The following STT3A variants were observed in gnomAD, a reference collection of about 807,000 sequenced individuals.
The protein encoded by STT3A is dolichyl-diphosphooligosaccharide--protein glycosyltransferase subunit STT3A.
A neutral mutation model predicts 89.2 loss-of-function variants in STT3A; 34 were observed. That is an observed-to-expected ratio of 0.38 (90% CI 0.29 to 0.51). The LOEUF is 0.51. Among genes scored for constraint, STT3A ranks in the 20% least tolerant of loss-of-function variants. The probability of loss-of-function intolerance (pLI) is 0.89; values close to 1 mark genes in which losing one functional copy is unlikely to be tolerated. For missense variants in STT3A, 555 were observed against 889.5 expected (o/e 0.62, Z 4.78); for synonymous variants, 282 against 310.3 (o/e 0.91, Z 0.96).
At position 125,606,387 on chromosome 11, in the gene STT3A, C is replaced by T; in HGVS notation, c.702C>T (p.His234=). The T allele has an allele frequency of 6.2e-7, 1 of 1,614,200 alleles. No individual in the cohort carries two copies. The highest frequency in any genetic ancestry group is 8.5e-7 in the Non-Finnish European group (1 of 1,180,040). ...TGATGCTCACAGGCCGTTTCTCTCA[C>T]CGGATCTATGTGGCCTACTGTACTG... ...LVLMLTGRFS[H]RIYVAYCTVY... Residue 234 remains histidine, a synonymous_variant, in exon 8 of 18, where the codon CAC becomes CAT. Transcript: ENST00000392708.
At position 125,613,476 on chromosome 11, in the gene STT3A, T is replaced by C. The variant is rs990792827; in HGVS notation, c.1554+299T>C. Among the ~76,000 whole-genome samples the C allele has an allele frequency of 1.3e-5, 2 of 152,198 alleles. No individual in the cohort carries two copies. The highest frequency in any genetic ancestry group is 2.9e-5 in the Non-Finnish European group (2 of 68,018). On this transcript the variant is annotated intron_variant, in intron 13 of 17. Coordinates refer to ENST00000392708, the MANE Select transcript of STT3A (RefSeq NM_152713.5). The surrounding 1 kb of genome is among the most constrained non-coding windows in gnomAD (Gnocchi z 4.2). Reference sequence around the variant, plus strand: ...AAAAAAGTTATAGATAAATAATACATGTTCACTTTAGAAAAATCAGAAAAT... The same window carrying C: ...AAAAAAGTTATAGATAAATAATACACGTTCACTTTAGAAAAATCAGAAAAT...
At chr11:125,600,474 A>G (rs1939639665) in intron 3 of STT3A, among the ~76,000 whole-genome samples, 2 of 151,752 alleles carry the variant, frequency 1.3e-5, no homozygotes, top group South Asian at 4.2e-4. Context: ...TGATCCTCTT[A>G]TTTCAGCCTC....
At chr11:125,620,443 T>C (rs1940315698) in intron 17 of STT3A, among the ~76,000 whole-genome samples, 1 of 152,202 alleles carries the variant, frequency 6.6e-6, no homozygotes, top group South Asian at 2.1e-4. Flanking sequence ...CACATGTTTA[T>C]ATTTAGCTAC....
chr11:125,609,535 A>G lies in STT3A; in HGVS notation c.1063A>G (p.Thr355Ala). 1 of 1,614,202 alleles carries G rather than the reference A, an allele frequency of 6.2e-7. No individual in the cohort carries two copies. The highest frequency in any genetic ancestry group is 8.5e-7 in the Non-Finnish European group (1 of 1,180,034). Residue 355 changes from threonine to alanine, a missense_variant, in exon 10 of 18, where the codon ACA (threonine) becomes GCA (alanine). By Grantham distance (58) the Thr-to-Ala change is moderately conservative. Coordinates refer to ENST00000392708, the MANE Select transcript of STT3A (RefSeq NM_152713.5). ...TGCTTCTGTGTCTGAGCATCAGCCC[A>G]CAACCTGGTCCTCATACTATTTTGA... ...IIASVSEHQP[T>A]TWSSYYFDLQ...
intron 15 of STT3A, among the ~76,000 whole-genome samples, chr11:125,616,276 T>C (rs1374478000): frequency 6.6e-6 from 1 of 152,194 alleles, no homozygotes; most frequent in Admixed American, 6.5e-5. Context: ...CATTCTCTTA[T>C]ATACTTTAAA....
Position 125,621,001 on chromosome 11 carries a change from G to A in STT3A, c.*191G>A, listed in dbSNP as rs1341982754. 6.5e-6 allele frequency: 3 copies of A among 462,660 alleles called. No individual in the cohort carries two copies. The highest frequency in any genetic ancestry group is 3.9e-5 in the Admixed American group (1 of 25,488). 28.7% of individuals were successfully genotyped at this position (462,660 alleles called of 1,614,324 possible). On this transcript the variant is annotated 3_prime_UTR_variant, in exon 18 of 18. Coordinates refer to ENST00000392708, the MANE Select transcript of STT3A (RefSeq NM_152713.5). ...AAATGATTTTTATAATTCTAAACAG[G>A]TTACCAAATGAAATGTCATGGCTTT... is the stretch of plus-strand genomic sequence containing the variant.
chr11:125,592,476 G>C, upstream of STT3A: 2 of 456,198 alleles, frequency 4.4e-6, no homozygotes, highest in South Asian at 1.5e-5. Context: ...CTTGGAGCAA[G>C]GGCCTATTTC....
At chr11:125,600,536 A>AT (rs111576073) in intron 3 of STT3A, among the ~76,000 whole-genome samples, 15,895 of 149,414 alleles carry the variant, frequency 0.11, 1,200 homozygotes, top group African/African-American at 0.22. Flanking sequence ...TGATTGTTGT[A>AT]TTTTTTTTTA....
intron 3 of STT3A, 60 bp downstream of exon 3, chr11:125,597,179 T>C: frequency 6.4e-7 from 1 of 1,573,148 alleles, no homozygotes; most frequent in Non-Finnish European, 8.7e-7. Flanking sequence ...GTTCATGGGT[T>C]TCAGATTCAA....
chr11:125,601,835 C>T (rs1297450292), intron 3 of STT3A, among the ~76,000 whole-genome samples: 2 of 151,726 alleles, frequency 1.3e-5, no homozygotes, highest in Non-Finnish European at 2.9e-5. Context: ...GAGTCTTGCT[C>T]TGTTGCCCAG....
At chr11:125,606,532 T>A in intron 8 of STT3A, 67 bp downstream of exon 8, 1 of 1,495,018 alleles carries the variant, frequency 6.7e-7, no homozygotes, top group South Asian at 1.3e-5. Flanking sequence ...TAGACTGATT[T>A]ATCTTAGATT....
intron 3 of STT3A, among the ~76,000 whole-genome samples, chr11:125,597,995 C>T (rs10082554): frequency 0.11 from 16,202 of 152,090 alleles, 1,224 homozygotes; most frequent in African/African-American, 0.22. Context: ...GGGCAGATCA[C>T]AAGGTCAGGA....
rs1226395722 is a variant in STT3A, at chr11:125,596,014, A to G, written c.88+11A>G. 5.7e-6 allele frequency: 9 copies of G among 1,585,782 alleles called. No homozygotes were observed. The Admixed American group carries it at 1.2e-4, about 21-fold the overall frequency. On this transcript the variant is annotated intron_variant, in intron 2 of 17. Transcript: ENST00000392708. The stretch of plus-strand genomic sequence containing the variant: ...TGGCTGCTGTATTATGTGAGTGTGC[A>G]TGTGAACCTCTCTTTCTTTGGGGAT...
intron 5 of STT3A, 103 bp from the exon 6 acceptor site, chr11:125,604,054 A>T: frequency 8.4e-7 from 1 of 1,195,614 alleles, no homozygotes; most frequent in Non-Finnish European, 1.2e-6. Flanking sequence ...AAATTGTTGG[A>T]CTGTTTTCTG....
At chr11:125,620,224 T>A (rs1212054053) in intron 17 of STT3A, 98 bp downstream of exon 17, 2 of 906,818 alleles carry the variant, frequency 2.2e-6, no homozygotes, top group African/African-American at 3.3e-5. Context: ...ATAGGGAAAT[T>A]TCTCATGACA....
chr11:125,616,252 A>G (rs1467811168), intron 15 of STT3A, among the ~76,000 whole-genome samples: 1 of 152,168 alleles, frequency 6.6e-6, no homozygotes, highest in East Asian at 1.9e-4. Flanking sequence ...TAGTATTTGT[A>G]TATAATATAC....
In STT3A at chr11:125,612,721, G is replaced by T. The variant is rs548644525; in HGVS notation, c.1339G>T (p.Asp447Tyr). 6.2e-7 allele frequency: 1 copy of T among 1,614,074 alleles called. No homozygotes were observed. The highest frequency in any genetic ancestry group is 1.1e-5 in the South Asian group (1 of 91,076). ...AGACAAGAAGAGCAAGAAGCAACAG[G>T]ATTCCACCTACCCTATTAAGAATGA... ...RPDKKSKKQQ[D>Y]STYPIKNEVA... The change falls in exon 12 of 18, where the codon GAT (aspartate) becomes TAT (tyrosine). Residue 447 changes from aspartate (D) to tyrosine (Y), a missense_variant. Transcript: ENST00000392708.
At chr11:125,596,704 A>G (rs1302543200) in intron 2 of STT3A, among the ~76,000 whole-genome samples, 1 of 151,862 alleles carries the variant, frequency 6.6e-6, no homozygotes, top group Non-Finnish European at 1.5e-5. Context: ...TGCCATACCT[A>G]TTACTTTGCT....
chr11:125,604,000 C>G lies in STT3A; in HGVS notation c.418-157C>G, dbSNP rs933600474. Among the ~76,000 whole-genome samples the G allele has an allele frequency of 3.3e-5, 5 of 152,198 alleles. No homozygotes were observed. In the South Asian group the frequency reaches 6.2e-4, roughly 19 times the overall value. On this transcript the variant is annotated intron_variant, in intron 5 of 17. Transcript: ENST00000392708. ...TCATGAAGTTTTTAGCTTGCTTGTG[C>G]TGTGAGCATTTCTAGCATTTCTAAC...
Sources: gnomAD v4.1 joint callset for allele counts (sites outside exome capture counted in the v4.1 genomes callset) on GRCh38, gnomAD v4.1.1 for gene constraint, Gnocchi (gnomAD v3.1) non-coding constraint, MANE v1.5 for transcripts, NCBI Gene and HGNC (gene_info 2026-07-23, HGNC 2026-07-21) for gene names.